The following SYTL3 variants were observed in gnomAD, a reference collection of about 807,000 sequenced individuals.
The protein encoded by SYTL3 is synaptotagmin like 3, also known as synaptotagmin-like protein 3.
A neutral mutation model predicts 82.1 loss-of-function variants in SYTL3; 88 were observed. The ratio of observed to expected loss-of-function variants is 1.07; its 90% CI spans 0.90 to 1.28. SYTL3 has a LOEUF of 1.28. Among genes scored for constraint, SYTL3 ranks in the 50% most tolerant of loss-of-function variants. The probability of loss-of-function intolerance (pLI) is 0.00; values close to 1 mark genes in which losing one functional copy is unlikely to be tolerated. For synonymous variants in SYTL3, 311 were observed against 289.4 expected (o/e 1.07, Z -0.76); for missense variants, 831 against 757.6 (o/e 1.10, Z -1.14).
chr6:158,763,387 C>T lies in SYTL3; in HGVS notation c.1601C>T (p.Ser534Leu), dbSNP rs1790270965. The T allele has an allele frequency of 6.2e-7, 1 of 1,614,204 alleles. No homozygotes were observed. The highest frequency in any genetic ancestry group is 8.5e-7 in the Non-Finnish European group (1 of 1,180,038). Residue 534 changes from serine to leucine, a missense_variant, in exon 17 of 18, where the codon TCA (serine) becomes TTA (leucine). Coordinates refer to ENST00000611299, the MANE Select transcript of SYTL3 (RefSeq NM_001242394.2). ...CAGGCTTGCCCCCAGTGGAAACACT[C>T]ATTTGTCTTCAGTGGCGTAACCCCA... The part of the protein sequence containing the change: ...RKQACPQWKH[S>L]FVFSGVTPAQ...
intron 11 of SYTL3, among the ~76,000 whole-genome samples, chr6:158,738,538 A>G (rs914147503): frequency 1.3e-5 from 2 of 152,066 alleles, no homozygotes; most frequent in African/African-American, 4.8e-5. Flanking sequence ...TCTCTTACGC[A>G]TTCAGCCTCT....
At chr6:158,695,212 C>T (rs1002005371) in intron 6 of SYTL3, among the ~76,000 whole-genome samples, 1 of 152,146 alleles carries the variant, frequency 6.6e-6, no homozygotes, top group African/African-American at 2.4e-5. Flanking sequence ...AAAAAATTTA[C>T]AGAAAAAGTT....
In SYTL3 at chr6:158,708,368, C is replaced by G; in HGVS notation, c.493C>G (p.Gln165Glu). 3 of 1,614,200 alleles carry G rather than the reference C, an allele frequency of 1.9e-6. No homozygotes were observed. The South Asian group carries it at 3.3e-5, about 18-fold the overall frequency. ...PPTPPPVSES[Q>E]CSRSPGRLQE... ...TACTCCACCTCCTGTCAGCGAGAGC[C>G]AGTGCAGCCGCAGTCCTGGCAGGGT... The change falls in exon 8 of 18, where the codon CAG becomes GAG. Residue 165 changes from glutamine (Q) to glutamate (E), a missense_variant. Coordinates refer to ENST00000611299, the MANE Select transcript of SYTL3 (RefSeq NM_001242394.2).
At chr6:158,756,485 G>A (rs949322267) in intron 13 of SYTL3, among the ~76,000 whole-genome samples, 2 of 152,176 alleles carry the variant, frequency 1.3e-5, no homozygotes, top group African/African-American at 4.8e-5. Flanking sequence ...CGAGGCAGGT[G>A]GGTCATTTGA....
At chr6:158,703,266 A>G (rs73797087) in intron 6 of SYTL3, among the ~76,000 whole-genome samples, 2,975 of 151,752 alleles carry the variant, frequency 0.02, 94 homozygotes, top group African/African-American at 0.068. Context: ...CCAACCAGCC[A>G]TGTGCCTGAG....
At chr6:158,712,722 A>T (rs1419976197) in intron 8 of SYTL3, among the ~76,000 whole-genome samples, 1 of 151,810 alleles carries the variant, frequency 6.6e-6, no homozygotes, top group African/African-American at 2.4e-5. Context: ...CTGATAAGAG[A>T]GAAGAATCAC....
intron 6 of SYTL3, among the ~76,000 whole-genome samples, chr6:158,683,258 G>T (rs1481183302): frequency 3.5e-5 from 4 of 115,884 alleles, no homozygotes; most frequent in African/African-American, 1.4e-4. Flanking sequence ...GTCTTGCTCT[G>T]TTGCCAGGCT....
At chr6:158,761,034 C>G (rs1789848225) in intron 15 of SYTL3, among the ~76,000 whole-genome samples, 1 of 152,136 alleles carries the variant, frequency 6.6e-6, no homozygotes, top group Non-Finnish European at 1.5e-5. Context: ...ATTGGATGGT[C>G]TCTGGGGAAA....
intron 5 of SYTL3, among the ~76,000 whole-genome samples, chr6:158,672,801 T>C (rs960041743): frequency 6.6e-6 from 1 of 151,950 alleles, no homozygotes; most frequent in Non-Finnish European, 1.5e-5. Context: ...CCAGCTAATT[T>C]TTTGTATTTT....
intron 6 of SYTL3, among the ~76,000 whole-genome samples, chr6:158,704,819 CAGTG>C (rs1381139817): frequency 2.1e-5 from 3 of 142,606 alleles, no homozygotes; most frequent in Non-Finnish European, 3.2e-5. Flanking sequence ...GACAGAGTGA[CAGTG>C]AGGGCTGTAA....
intron 10 of SYTL3, 46 bp from the exon 11 acceptor site, chr6:158,725,457 A>G: frequency 6.2e-7 from 1 of 1,600,074 alleles, no homozygotes; most frequent in Admixed American, 1.7e-5. Context: ...ACAAAACCAA[A>G]CTGGGATGGA....
chr6:158,729,170 T>C (rs1380464880), intron 11 of SYTL3, among the ~76,000 whole-genome samples: 3 of 152,254 alleles, frequency 2.0e-5, no homozygotes, highest in African/African-American at 7.2e-5. Flanking sequence ...ACACTTGTGT[T>C]AGTCCATCCA....
rs562025641 is a variant in SYTL3 at position 158,742,773 on chromosome 6, G to A, written c.856-2707G>A. On this transcript the variant is annotated intron_variant, in intron 11 of 17. Transcript: ENST00000611299. Reference sequence around the variant, plus strand: ...TTTTTTTATTTTTAGTAGATATGGGGTTTCACTGTGTTAGCCAGGATAGTC... The same window carrying A: ...TTTTTTTATTTTTAGTAGATATGGGATTTCACTGTGTTAGCCAGGATAGTC... Among the ~76,000 whole-genome samples the A allele has an allele frequency of 7.9e-5, 12 of 152,118 alleles. No individual in the cohort carries two copies. The South Asian group carries it at 2.5e-3, about 32-fold the overall frequency.
At position 158,754,546 on chromosome 6, in the gene SYTL3, C is replaced by G. The variant is rs997582109; in HGVS notation, c.1137+2516C>G. On this transcript the variant is annotated intron_variant, in intron 13 of 17. Coordinates refer to ENST00000611299, the MANE Select transcript of SYTL3 (RefSeq NM_001242394.2). ...CCATCTTGGCTAACACGGTGAAACC[C>G]CGTCTCTACTAAAAATACAAAAAAT... is the stretch of plus-strand genomic sequence containing the variant. Among the ~76,000 whole-genome samples the G allele has an allele frequency of 2.0e-5, 3 of 152,286 alleles. No individual in the cohort carries two copies. In the East Asian group the frequency reaches 5.8e-4, roughly 29 times the overall value.
intron 5 of SYTL3, among the ~76,000 whole-genome samples, chr6:158,670,100 A>G (rs758206125): frequency 6.6e-6 from 1 of 152,254 alleles, no homozygotes; most frequent in African/African-American, 2.4e-5. Flanking sequence ...AGGAAGTTCT[A>G]TTCTAATTAT....
At chr6:158,657,154 G>C (rs1180960724) in intron 2 of SYTL3, among the ~76,000 whole-genome samples, 1 of 152,080 alleles carries the variant, frequency 6.6e-6, no homozygotes, top group Admixed American at 6.6e-5. Context: ...GGCCGGGCAC[G>C]GTGACTCATG....
At chr6:158,695,897 G>GAT (rs1260360921) in intron 6 of SYTL3, among the ~76,000 whole-genome samples, 2 of 152,128 alleles carry the variant, frequency 1.3e-5, no homozygotes, top group African/African-American at 4.8e-5. Flanking sequence ...CTGTGTCATG[G>GAT]ATATACCATG....
chr6:158,738,779 T>C (rs1347306319), intron 11 of SYTL3, among the ~76,000 whole-genome samples: 1 of 152,220 alleles, frequency 6.6e-6, no homozygotes, highest in African/African-American at 2.4e-5. Context: ...CACCTCAGCC[T>C]ACCAAGTAGC....
intron 11 of SYTL3, among the ~76,000 whole-genome samples, chr6:158,739,852 T>G (rs1484037835): frequency 6.6e-6 from 1 of 152,124 alleles, no homozygotes; most frequent in Non-Finnish European, 1.5e-5. Context: ...TCATTCATTT[T>G]TTCTCCTCTG....
Sources: allele counts gnomAD v4.1 joint callset (sites outside exome capture counted in the v4.1 genomes callset), GRCh38; gene constraint gnomAD v4.1.1; transcripts MANE v1.5; gene names NCBI Gene and HGNC (gene_info 2026-07-23, HGNC 2026-07-21).